The following ETV6 variants were observed in gnomAD, a reference collection of about 807,000 sequenced individuals.
The protein encoded by ETV6 is transcription factor ETV6.
Under a neutral mutation model 51.1 loss-of-function variants are expected in ETV6, and 16 were observed. The observed-to-expected ratio is 0.31, with a 90% CI of 0.21 to 0.48. The LOEUF is 0.48. Among genes scored for constraint, ETV6 ranks in the 20% least tolerant of loss-of-function variants. ETV6 has a pLI of 0.99. For synonymous variants in ETV6, 240 were observed against 224.1 expected (o/e 1.07, Z -0.64); for missense variants, 458 against 594.8 (o/e 0.77, Z 2.39).
intron 1 of ETV6, among the ~76,000 whole-genome samples, chr12:11,701,931 ACGAGGTTTGTTG>A (rs1428117379): frequency 3.9e-5 from 6 of 152,230 alleles, no homozygotes; most frequent in African/African-American, 1.4e-4. Context: ...AAGTGGAAAC[ACGAGGTTTGTTG>A]GAAGAATCGC....
intron 7 of ETV6, among the ~76,000 whole-genome samples, chr12:11,887,670 C>G (rs1370006521): frequency 6.6e-6 from 1 of 151,436 alleles, no homozygotes; most frequent in Non-Finnish European, 1.5e-5. Context: ...ATCACTTGAA[C>G]CCGGGAGGCA....
chr12:11,826,335 G>A (rs1202436685), intron 2 of ETV6: 1 of 152,240 alleles, frequency 6.6e-6, no homozygotes, highest in East Asian at 1.9e-4. Context: ...TTAAAAAACA[G>A]ACATCGGCCT....
intron 1 of ETV6, among the ~76,000 whole-genome samples, chr12:11,685,088 G>A (rs1391362368): frequency 6.6e-6 from 1 of 152,146 alleles, no homozygotes; most frequent in Non-Finnish European, 1.5e-5. Context: ...CCTAAGTGGA[G>A]GGATTTGCCA....
chr12:11,696,057 A>G (rs1394096462), intron 1 of ETV6, among the ~76,000 whole-genome samples: 2 of 152,096 alleles, frequency 1.3e-5, no homozygotes, highest in African/African-American at 4.8e-5. Flanking sequence ...CCTCTAAATA[A>G]GATTAGCAAA....
At chr12:11,735,027 G>GGTA (rs1275689580) in intron 1 of ETV6, among the ~76,000 whole-genome samples, 1 of 149,898 alleles carries the variant, frequency 6.7e-6, no homozygotes, top group East Asian at 2.0e-4. Context: ...TTATTAATGG[G>GGTA]CAAAATGTCT....
chr12:11,783,490 G>A (rs968571421), intron 2 of ETV6, among the ~76,000 whole-genome samples: 17 of 152,152 alleles, frequency 1.1e-4, no homozygotes, highest in Admixed American at 3.3e-4. Context: ...GATTGGAATC[G>A]AGAGAAAAGA....
At chr12:11,748,801 G>C (rs2121050306) in intron 1 of ETV6, among the ~76,000 whole-genome samples, 1 of 152,224 alleles carries the variant, frequency 6.6e-6, no homozygotes, top group Non-Finnish European at 1.5e-5. Context: ...GCCCTTCATG[G>C]CTAGGGGAGA....
At chr12:11,754,246 G>T (rs1344180231) in intron 2 of ETV6, among the ~76,000 whole-genome samples, 1 of 152,064 alleles carries the variant, frequency 6.6e-6, no homozygotes, top group Non-Finnish European at 1.5e-5. Context: ...CTGTGTCCTG[G>T]GGGTGCAGAA....
intron 1 of ETV6, among the ~76,000 whole-genome samples, chr12:11,700,481 T>C (rs1864958276): frequency 6.6e-6 from 1 of 152,200 alleles, no homozygotes; most frequent in Admixed American, 6.5e-5. Flanking sequence ...TATCTTACTT[T>C]CTGTTTCTGA....
At chr12:11,676,858 T>C (rs1864430597) in intron 1 of ETV6, among the ~76,000 whole-genome samples, 1 of 152,242 alleles carries the variant, frequency 6.6e-6, no homozygotes, top group South Asian at 2.1e-4. Context: ...GATTTTTTTC[T>C]GTGTTTGGCT....
chr12:11,660,306 C>T (rs1406651599), intron 1 of ETV6, among the ~76,000 whole-genome samples: 1 of 152,116 alleles, frequency 6.6e-6, no homozygotes, highest in Non-Finnish European at 1.5e-5. Context: ...ATGGAGACTT[C>T]ATAAAAAGGG....
At chr12:11,885,649 T>A (rs1468624519) in intron 6 of ETV6, among the ~76,000 whole-genome samples, 1 of 152,196 alleles carries the variant, frequency 6.6e-6, no homozygotes, top group African/African-American at 2.4e-5. Context: ...TAAGCGAGGC[T>A]GCTATGGGAT....
chr12:11,825,004 C>A (rs79090046), intron 2 of ETV6, among the ~76,000 whole-genome samples: 1,608 of 152,316 alleles, frequency 0.011, 28 homozygotes, highest in African/African-American at 0.036. Context: ...TCAAATCCCA[C>A]ACAAAGTTTT....
intron 1 of ETV6, among the ~76,000 whole-genome samples, chr12:11,664,886 A>G (rs1349703748): frequency 2.6e-5 from 4 of 152,184 alleles, no homozygotes; most frequent in Non-Finnish European, 4.4e-5. Context: ...GCAGATAAAA[A>G]TGTGATCTTG....
chr12:11,688,758 G>C (rs1330843102), intron 1 of ETV6, among the ~76,000 whole-genome samples: 1 of 152,198 alleles, frequency 6.6e-6, no homozygotes, highest in Non-Finnish European at 1.5e-5. Flanking sequence ...AGCCTTAGCT[G>C]CTCCTTGAGG....
chr12:11,802,857 T>C (rs60867648), intron 2 of ETV6, among the ~76,000 whole-genome samples: 2 of 152,208 alleles, frequency 1.3e-5, no homozygotes, highest in Non-Finnish European at 2.9e-5. Context: ...GTTTGAAAGT[T>C]TGGTCTCCTA....
chr12:11,771,024 C>A (rs1945235650), intron 2 of ETV6, among the ~76,000 whole-genome samples: 1 of 152,190 alleles, frequency 6.6e-6, no homozygotes, highest in African/African-American at 2.4e-5. Context: ...TATTTGTCTC[C>A]CATTAGAGAC....
rs1326874434 is a variant in ETV6 at position 11,839,261 on chromosome 12, G to A, written c.285G>A (p.Leu95=). The A allele has an allele frequency of 6.2e-7, 1 of 1,614,224 alleles. No homozygotes were observed. Among genetic ancestry groups the A allele is most frequent in the African/African-American group, 1.3e-5 (1 of 75,068 alleles). The change falls in exon 3 of 8, where the codon CTG becomes CTA. Residue 95 remains leucine (L), a synonymous_variant. Transcript: ENST00000396373. ...TTGAAATGAATGGCAAAGCTCTCCT[G>A]CTGCTGACCAAAGAGGACTTTCGCT... ...NTFEMNGKAL[L]LLTKEDFRYR... is the part of the protein sequence containing the mutation.
At chr12:11,813,330 G>A (rs1299246277) in intron 2 of ETV6, among the ~76,000 whole-genome samples, 1 of 152,136 alleles carries the variant, frequency 6.6e-6, no homozygotes, top group Non-Finnish European at 1.5e-5. Context: ...GCCTTTGGGT[G>A]GAAACCTTCC....
Sources: gnomAD v4.1 joint callset for allele counts (sites outside exome capture counted in the v4.1 genomes callset) on GRCh38, gnomAD v4.1.1 for gene constraint, MANE v1.5 for transcripts, NCBI Gene and HGNC (gene_info 2026-07-23, HGNC 2026-07-21) for gene names.